Variants in GLI2 observed in about 807,000 individuals in gnomAD.
The protein encoded by GLI2 is transcription activator GLI2.
A neutral mutation model predicts 78.9 loss-of-function variants in GLI2; 22 were observed. The ratio of observed to expected loss-of-function variants is 0.28; its 90% CI spans 0.20 to 0.40. The LOEUF (loss-of-function observed/expected upper bound fraction) is 0.40, where lower values mean the gene tolerates loss of function less well. Among genes scored for constraint, GLI2 ranks in the 10% least tolerant of loss-of-function variants. GLI2 has a pLI of 1.00. For missense variants in GLI2, 2,097 were observed against 2,213.2 expected (o/e 0.95, Z 1.05); for synonymous variants, 974 against 963.7 (o/e 1.01, Z -0.20).
intron 2 of GLI2, among the ~76,000 whole-genome samples, chr2:120,896,518 C>T (rs2104766229): frequency 6.6e-6 from 1 of 152,148 alleles, no homozygotes; most frequent in South Asian, 2.1e-4. Context: ...CTCTGAAGGC[C>T]CTAGTGCTGG....
chr2:120,870,966 T>G (rs556014159), intron 2 of GLI2, among the ~76,000 whole-genome samples: 4 of 152,248 alleles, frequency 2.6e-5, no homozygotes, highest in South Asian at 4.1e-4. Context: ...CAAGGAACAC[T>G]CAGGATTTTG....
chr2:120,927,391 C>G lies in GLI2; in HGVS notation c.179C>G (p.Ala60Gly). Residue 60 changes from alanine to glycine, a missense_variant, in exon 3 of 14, where the codon GCG becomes GGG. Ala to Gly is a moderately conservative substitution (Grantham distance 60). This residue lies in a region of GLI2 where 578 missense variants were observed against 612.0 expected (regional missense o/e 0.94). Transcript: ENST00000361492. ...VPQHLLPPFH[A>G]PLPIDMRHQE... ...CAGCATCTCTTGCCACCATTCCATG[C>G]GCCCCTACCGATTGACATGCGACAC... 1 of 1,613,772 alleles carries G rather than the reference C, an allele frequency of 6.2e-7. No homozygotes were observed. The highest frequency in any genetic ancestry group is 8.5e-7 in the Non-Finnish European group (1 of 1,179,658).
intron 5 of GLI2, among the ~76,000 whole-genome samples, chr2:120,962,279 GCA>G (rs1681604643): frequency 6.6e-6 from 1 of 152,176 alleles, no homozygotes; most frequent in Non-Finnish European, 1.5e-5. Flanking sequence ...TCCCTCCTGA[GCA>G]CCTTGGGATT....
chr2:120,858,720 G>T (rs1313828603), intron 2 of GLI2, among the ~76,000 whole-genome samples: 3 of 152,236 alleles, frequency 2.0e-5, no homozygotes, highest in African/African-American at 7.2e-5. Context: ...CTGAGCATGA[G>T]ATGATGTCAG....
chr2:120,977,522 T>G, intron 9 of GLI2, among the ~76,000 whole-genome samples: 1 of 151,782 alleles, frequency 6.6e-6, no homozygotes, highest in East Asian at 1.9e-4. Flanking sequence ...GTCACTGCAT[T>G]AGACAGTGTG....
At chr2:120,748,519 G>C (rs936999594) in intron 1 of GLI2, among the ~76,000 whole-genome samples, 3 of 152,150 alleles carry the variant, frequency 2.0e-5, no homozygotes, top group Non-Finnish European at 4.4e-5. Flanking sequence ...TGGGGCCTCT[G>C]GTATGTGGGA....
chr2:120,763,636 C>A (rs915652748), intron 1 of GLI2, among the ~76,000 whole-genome samples: 4 of 152,220 alleles, frequency 2.6e-5, no homozygotes, highest in Non-Finnish European at 4.4e-5. Context: ...TCACCCACTC[C>A]CCTGCAGACA....
chr2:120,859,712 C>T (rs1573493861), intron 2 of GLI2, among the ~76,000 whole-genome samples: 1 of 151,792 alleles, frequency 6.6e-6, no homozygotes, highest in Non-Finnish European at 1.5e-5. Flanking sequence ...GCCTTGGCCT[C>T]CTAAAGTTTG....
intron 10 of GLI2, among the ~76,000 whole-genome samples, chr2:120,981,465 G>T (rs1682715557): frequency 6.6e-6 from 1 of 152,142 alleles, no homozygotes; most frequent in African/African-American, 2.4e-5. Context: ...CTCCAAATTT[G>T]TCCTCCTTTT....
chr2:120,813,530 G>A (rs1273836259), intron 2 of GLI2, among the ~76,000 whole-genome samples: 2 of 152,326 alleles, frequency 1.3e-5, no homozygotes, highest in African/African-American at 2.4e-5. Flanking sequence ...AGTCCTGCTC[G>A]TGCAAGGACT....
At chr2:120,803,160 A>T (rs1389992678) in intron 2 of GLI2, among the ~76,000 whole-genome samples, 2 of 152,226 alleles carry the variant, frequency 1.3e-5, no homozygotes, top group Non-Finnish European at 2.9e-5. Context: ...AGTAGCTGTA[A>T]CACTGCCTCT....
intron 2 of GLI2, among the ~76,000 whole-genome samples, chr2:120,852,274 G>A (rs980294029): frequency 6.6e-6 from 1 of 152,180 alleles, no homozygotes; most frequent in Non-Finnish European, 1.5e-5. Context: ...CCTATGGATC[G>A]CACAGAGACG....
At chr2:120,796,264 C>G (rs968106090) in intron 1 of GLI2, among the ~76,000 whole-genome samples, 42 of 152,130 alleles carry the variant, frequency 2.8e-4, no homozygotes, top group Admixed American at 2.7e-3. Flanking sequence ...TCTGTTGGCT[C>G]TGCCTTCAAA....
At position 120,990,590 on chromosome 2, in the gene GLI2, G is replaced by T; in HGVS notation, c.4625G>T (p.Gly1542Val). Residue 1542 changes from glycine (G) to valine (V), a missense_variant, in exon 14 of 14, where the codon GGC becomes GTC. This residue lies in a region of GLI2 where 1,290 missense variants were observed against 1,261.7 expected (regional missense o/e 1.02). Coordinates refer to ENST00000361492, the MANE Select transcript of GLI2 (RefSeq NM_001374353.1). The stretch of plus-strand genomic sequence containing the variant: ...TTGACCCTGCCCTCCATCCCCGCAG[G>T]CATCAGCAACATGGCTGTCGGGGAC... ...NSLTLPSIPA[G>V]ISNMAVGDMS... 1 of 1,613,856 alleles carries T rather than the reference G, an allele frequency of 6.2e-7. No individual in the cohort carries two copies. The highest frequency in any genetic ancestry group is 8.5e-7 in the Non-Finnish European group (1 of 1,179,886).
chr2:120,809,245 A>C (rs1685116167), intron 2 of GLI2, among the ~76,000 whole-genome samples: 1 of 152,222 alleles, frequency 6.6e-6, no homozygotes, highest in South Asian at 2.1e-4. Flanking sequence ...ACATATGCTA[A>C]GAGAAAGAAG....
At chr2:120,907,036 C>T (rs1283928207) in intron 2 of GLI2, among the ~76,000 whole-genome samples, 1 of 152,196 alleles carries the variant, frequency 6.6e-6, no homozygotes, top group Non-Finnish European at 1.5e-5. Flanking sequence ...GTCCCTGTCA[C>T]CCCCTTGCAT....
At chr2:120,875,403 C>T (rs1379302334) in intron 2 of GLI2, among the ~76,000 whole-genome samples, 1 of 152,208 alleles carries the variant, frequency 6.6e-6, no homozygotes, top group Non-Finnish European at 1.5e-5. Flanking sequence ...CAGTGCTGCT[C>T]ACTTGGAGGA....
In GLI2 at chr2:120,780,935, C is replaced by T. The variant is rs143438245; in HGVS notation, c.-30-16356C>T. On this transcript the variant is annotated intron_variant, in intron 1 of 13. Coordinates refer to ENST00000361492, the MANE Select transcript of GLI2 (RefSeq NM_001374353.1). ...TGTCCATGAACGTCAGGGTCATAGT[C>T]GTGGCAGCCCCAGCTGCCCTGGGGC... is the stretch of plus-strand genomic sequence containing the variant. 2.9e-3 allele frequency among the ~76,000 whole-genome samples: 447 copies of T among 152,282 alleles called. 1 individual carries two copies. Among genetic ancestry groups the T allele is most frequent in the African/African-American group, 0.01 (426 of 41,556 alleles).
At chr2:120,900,350 A>T (rs1678193117) in intron 2 of GLI2, among the ~76,000 whole-genome samples, 1 of 152,172 alleles carries the variant, frequency 6.6e-6, no homozygotes, top group Non-Finnish European at 1.5e-5. Context: ...CAGGTCCAGG[A>T]TGGGGTCTGG....
Sources: gnomAD v4.1 joint callset for allele counts (sites outside exome capture counted in the v4.1 genomes callset) on GRCh38, gnomAD v4.1.1 for gene constraint, gnomAD v4.1.1 regional missense constraint, MANE v1.5 for transcripts, NCBI Gene and HGNC (gene_info 2026-07-23, HGNC 2026-07-21) for gene names.